The following GRIK4 variants were observed in gnomAD, a reference collection of about 807,000 sequenced individuals.
GRIK4 encodes the protein glutamate ionotropic receptor kainate type subunit 4.
GRIK4 carries 40 observed loss-of-function variants against 104.9 expected under a neutral mutation model. The observed-to-expected ratio is 0.38, with a 90% CI of 0.30 to 0.50. GRIK4 has a LOEUF of 0.50. GRIK4 is among the 20% of genes least tolerant of loss of function. The probability of loss-of-function intolerance (pLI) is 0.93; values close to 1 mark genes in which losing one functional copy is unlikely to be tolerated. For missense variants in GRIK4, 1,047 were observed against 1,308.1 expected (o/e 0.80, Z 3.08); for synonymous variants, 485 against 524.9 (o/e 0.92, Z 1.04).
intron 7 of GRIK4, among the ~76,000 whole-genome samples, chr11:120,833,269 T>TTC (rs1199397905): frequency 7.4e-6 from 1 of 134,700 alleles, no homozygotes; most frequent in East Asian, 2.2e-4. Flanking sequence ...CTCTCTTTCT[T>TTC]TCTCTCTCTC....
chr11:120,921,037 G>A lies in GRIK4; in HGVS notation c.1476+15544G>A, dbSNP rs766053134. 5.6e-4 allele frequency among the ~76,000 whole-genome samples: 85 copies of A among 152,092 alleles called. 1 individual carries two copies. The highest frequency in any genetic ancestry group is 2.4e-3 in the Admixed American group (36 of 15,274). On this transcript the variant is annotated intron_variant, in intron 13 of 20. Coordinates refer to ENST00000527524, the MANE Select transcript of GRIK4 (RefSeq NM_014619.5). Reference sequence around the variant, plus strand: ...CAAAAACCTGTCTCCCAAATCTCCAGTCTATTTCCATTTCATTATCTCTGT... The same window carrying A: ...CAAAAACCTGTCTCCCAAATCTCCAATCTATTTCCATTTCATTATCTCTGT...
chr11:120,518,795 A>G (rs971404906), intron 1 of GRIK4, among the ~76,000 whole-genome samples: 4 of 151,896 alleles, frequency 2.6e-5, no homozygotes, highest in African/African-American at 7.3e-5. Flanking sequence ...ATTTTTTTGT[A>G]TTTTTAGTAG....
Position 120,952,289 on chromosome 11 carries a change from T to A in GRIK4, c.1591-566T>A, listed in dbSNP as rs571454280. On this transcript the variant is annotated intron_variant, in intron 14 of 20. Transcript: ENST00000527524. This position sits in a 1 kb window ranked among gnomAD's most constrained non-coding sequence, Gnocchi z 5.2. ...GTGGAACCTCGGGCACATCTCTGAC[T>A]GCCCTCGGCTTTGGCTTCTTCACTT... 5.3e-5 allele frequency among the ~76,000 whole-genome samples: 8 copies of A among 152,332 alleles called. No homozygotes were observed. Among genetic ancestry groups the A allele is most frequent in the African/African-American group, 1.4e-4 (6 of 41,568 alleles).
intron 1 of GRIK4, among the ~76,000 whole-genome samples, chr11:120,644,044 T>TGTGTGTGTGTGTGA (rs1446673011): frequency 1.8e-5 from 2 of 112,640 alleles, no homozygotes; most frequent in African/African-American, 7.6e-5. Flanking sequence ...TGTGTGTGTG[T>TGTGTGTGTGTGTGA]GAGAGAGAGA....
chr11:120,606,147 A>C (rs1176794743), intron 1 of GRIK4, among the ~76,000 whole-genome samples: 1 of 152,210 alleles, frequency 6.6e-6, no homozygotes, highest in Admixed American at 6.5e-5. Context: ...CCATTTATTG[A>C]ATATCGCATT....
At chr11:120,904,793 C>T (rs917425701) in intron 12 of GRIK4, among the ~76,000 whole-genome samples, 4 of 152,212 alleles carry the variant, frequency 2.6e-5, no homozygotes, top group African/African-American at 2.4e-5. Context: ...CAGAGCCCAG[C>T]TTGGATCCCA....
At chr11:120,775,220 C>T (rs796365468) in intron 3 of GRIK4, among the ~76,000 whole-genome samples, 2 of 152,320 alleles carry the variant, frequency 1.3e-5, no homozygotes, top group African/African-American at 2.4e-5. Context: ...CCCAGAGCTC[C>T]GGCTGTTAAG....
chr11:120,967,954 C>T lies in GRIK4; in HGVS notation c.2395+631C>T, dbSNP rs1217848173. On this transcript the variant is annotated intron_variant, in intron 19 of 20. Coordinates refer to ENST00000527524, the MANE Select transcript of GRIK4 (RefSeq NM_014619.5). The surrounding 1 kb of genome is among the most constrained non-coding windows in gnomAD (Gnocchi z 4.2). ...TACACATTTCTCTCCATCACCTTAA[C>T]CCCACCTTATTTCCCTTCTCAGACC... Among the ~76,000 whole-genome samples, 1 of 152,152 alleles carries T rather than the reference C, an allele frequency of 6.6e-6. No individual in the cohort carries two copies. Among genetic ancestry groups the T allele is most frequent in the Non-Finnish European group, 1.5e-5 (1 of 68,038 alleles).
chr11:120,986,088 A>G lies in GRIK4; in HGVS notation c.2699A>G (p.Gln900Arg). 1 of 1,511,134 alleles carries G rather than the reference A, an allele frequency of 6.6e-7. No homozygotes were observed. Among genetic ancestry groups the G allele is most frequent in the Non-Finnish European group, 8.8e-7 (1 of 1,136,108 alleles). The allele number at this position is 1,511,134 out of a possible 1,614,324, so 93.6% of individuals were successfully genotyped here. ...CTGTGCGGGGCAGGGGAGCCCGACC[A>G]GCTCGCGCAGAGACTGGCGCAGGAG... ...GKLCGAGEPD[Q>R]LAQRLAQEAA... The change falls in exon 21 of 21, where the codon CAG becomes CGG. Residue 900 changes from glutamine to arginine, a missense_variant. Physicochemically the swap from Gln to Arg is conservative, Grantham distance 43 (BLOSUM62 1). This residue lies in a region of GRIK4 where 160 missense variants were observed against 140.9 expected (regional missense o/e 1.14). Coordinates refer to ENST00000527524, the MANE Select transcript of GRIK4 (RefSeq NM_014619.5).
intron 3 of GRIK4, among the ~76,000 whole-genome samples, chr11:120,774,045 G>C (rs1001013116): frequency 6.6e-6 from 1 of 152,220 alleles, no homozygotes; most frequent in Non-Finnish European, 1.5e-5. Flanking sequence ...AAATGAGTCA[G>C]CAGAAGCTAC....
At chr11:120,866,339 G>A (rs1036542955) in intron 9 of GRIK4, among the ~76,000 whole-genome samples, 3 of 152,188 alleles carry the variant, frequency 2.0e-5, no homozygotes, top group Non-Finnish European at 2.9e-5. Context: ...AGGCTTGCCC[G>A]AAAAGAGGGA....
At chr11:120,941,407 A>C (rs1350603737) in intron 14 of GRIK4, among the ~76,000 whole-genome samples, 1 of 152,140 alleles carries the variant, frequency 6.6e-6, no homozygotes, top group Non-Finnish European at 1.5e-5. Flanking sequence ...CCAGCTCTAG[A>C]GAAAAGGAGA....
At position 120,960,976 on chromosome 11, in the gene GRIK4, C is replaced by A; in HGVS notation, c.1942C>A (p.Arg648Ser). Reference sequence around the variant, plus strand: ...CCTGGCAGCCTTCCTGACCGTGCAGCGCATGGATGTGCCCATTGAGTCAGT... The same window carrying A: ...CCTGGCAGCCTTCCTGACCGTGCAGAGCATGGATGTGCCCATTGAGTCAGT... ...ANLAAFLTVQ[R>S]MDVPIESVDD... The change falls in exon 17 of 21, where the codon CGC becomes AGC. Residue 648 changes from arginine to serine, a missense_variant. Physicochemically the swap from Arg to Ser is moderately radical, Grantham distance 110. Around this residue, in one of 3 missense-constraint regions of GRIK4, gnomAD observed 440 missense variants for 652.3 expected, o/e 0.67. Coordinates refer to ENST00000527524, the MANE Select transcript of GRIK4 (RefSeq NM_014619.5). 6.2e-7 allele frequency: 1 copy of A among 1,613,930 alleles called. No homozygotes were observed. Among genetic ancestry groups the A allele is most frequent in the Non-Finnish European group, 8.5e-7 (1 of 1,179,804 alleles).
intron 7 of GRIK4, among the ~76,000 whole-genome samples, chr11:120,836,381 A>T (rs1160929495): frequency 6.6e-6 from 1 of 152,252 alleles, no homozygotes; most frequent in Non-Finnish European, 1.5e-5. Flanking sequence ...TGCCTGACAC[A>T]TACTAAACAG....
intron 6 of GRIK4, 129 bp downstream of exon 6, chr11:120,820,049 C>A: frequency 1.2e-6 from 1 of 815,864 alleles, no homozygotes; most frequent in Non-Finnish European, 2.0e-6. Flanking sequence ...GGCTGATAAC[C>A]AATGGGTTTG....
chr11:120,778,985 C>G (rs748524038), intron 3 of GRIK4, among the ~76,000 whole-genome samples: 1 of 152,180 alleles, frequency 6.6e-6, no homozygotes, highest in African/African-American at 2.4e-5. Flanking sequence ...TGCTGTTCAG[C>G]CCCTGCTCTG....
At chr11:120,973,447 A>G (rs985317319) in intron 19 of GRIK4, among the ~76,000 whole-genome samples, 1 of 152,374 alleles carries the variant, frequency 6.6e-6, no homozygotes, top group South Asian at 2.1e-4. Context: ...CATCCTGTCC[A>G]GGTCCCAAAT....
At chr11:120,649,832 C>A (rs981158192) in intron 1 of GRIK4, among the ~76,000 whole-genome samples, 1 of 152,208 alleles carries the variant, frequency 6.6e-6, no homozygotes, top group African/African-American at 2.4e-5. Flanking sequence ...AAAAGTTGTT[C>A]TCTCCAAGTT....
chr11:120,924,732 G>A (rs10502243), intron 13 of GRIK4, among the ~76,000 whole-genome samples: 32,431 of 152,022 alleles, frequency 0.21, 4,942 homozygotes, highest in African/African-American at 0.43. Context: ...TCTCAAGAAC[G>A]ATCTGTGAAA....
Sources: gnomAD v4.1 joint callset for allele counts (sites outside exome capture counted in the v4.1 genomes callset) on GRCh38, gnomAD v4.1.1 for gene constraint, gnomAD v4.1.1 regional missense constraint, Gnocchi (gnomAD v3.1) non-coding constraint, MANE v1.5 for transcripts, NCBI Gene and HGNC (gene_info 2026-07-23, HGNC 2026-07-21) for gene names.